Variants in DAB2IP observed in about 807,000 individuals in gnomAD.
The protein encoded by DAB2IP is DAB2 interacting protein.
DAB2IP carries 28 observed loss-of-function variants against 107.2 expected under a neutral mutation model. That is an observed-to-expected ratio of 0.26 (90% CI 0.19 to 0.36). The LOEUF (loss-of-function observed/expected upper bound fraction) is 0.36, where lower values mean the gene tolerates loss of function less well. Among genes scored for constraint, DAB2IP ranks in the 10% least tolerant of loss-of-function variants. The probability of loss-of-function intolerance (pLI) is 1.00; values close to 1 mark genes in which losing one functional copy is unlikely to be tolerated. For missense variants in DAB2IP, 1,400 were observed against 1,644.7 expected (o/e 0.85, Z 2.57); for synonymous variants, 755 against 706.4 (o/e 1.07, Z -1.09).
At chr9:121,719,396 C>T (rs1209583511) in intron 3 of DAB2IP, among the ~76,000 whole-genome samples, 2 of 152,150 alleles carry the variant, frequency 1.3e-5, no homozygotes, top group Non-Finnish European at 2.9e-5. Context: ...ATGGGTTCAT[C>T]ACATAACCAA....
At chr9:121,724,819 C>G (rs943194498) in intron 3 of DAB2IP, among the ~76,000 whole-genome samples, 5 of 152,184 alleles carry the variant, frequency 3.3e-5, no homozygotes, top group African/African-American at 1.2e-4. Flanking sequence ...CCAGTAGACA[C>G]TCCCACCTCC....
At chr9:121,773,286 C>T (rs1331786793) in exon 12 of DAB2IP, 3 of 1,529,064 alleles carry the variant, frequency 2.0e-6, no homozygotes, top group Non-Finnish European at 2.6e-6. Flanking sequence ...GATCGACCAG[C>T]CTCCGCCCCC....
At chr9:121,686,399 T>C (rs1003045297) in intron 2 of DAB2IP, among the ~76,000 whole-genome samples, 5 of 152,180 alleles carry the variant, frequency 3.3e-5, no homozygotes, top group Non-Finnish European at 5.9e-5. Context: ...AGGCCATCCC[T>C]GTAAATTCCA....
chr9:121,735,291 G>A lies in DAB2IP; in HGVS notation c.363-21722G>A, dbSNP rs538308168. Among the ~76,000 whole-genome samples, 97 of 152,282 alleles carry A rather than the reference G, an allele frequency of 6.4e-4. 1 individual carries two copies. The highest frequency in any genetic ancestry group is 1.1e-3 in the Admixed American group (17 of 15,298). On this transcript the variant is annotated intron_variant, in intron 3 of 15. Transcript: ENST00000408936. ...TGTGTGCACGGCAGAGCTGAGCCTG[G>A]AGCCTAGGGCCCAGCAGGGGATGGA...
At chr9:121,613,821 A>C (rs934124404) in intron 1 of DAB2IP, among the ~76,000 whole-genome samples, 1 of 152,216 alleles carries the variant, frequency 6.6e-6, no homozygotes, top group East Asian at 1.9e-4. Flanking sequence ...TGACCTATGC[A>C]CTTGTTGGAG....
chr9:121,626,207 C>T (rs1053958436), intron 1 of DAB2IP, among the ~76,000 whole-genome samples: 2 of 152,006 alleles, frequency 1.3e-5, no homozygotes, highest in East Asian at 1.9e-4. Flanking sequence ...ACTTGGCACA[C>T]GTTTAATGAG....
intron 3 of DAB2IP, among the ~76,000 whole-genome samples, chr9:121,738,269 C>T (rs569780642): frequency 2.0e-4 from 31 of 152,274 alleles, no homozygotes; most frequent in Admixed American, 9.1e-4. Flanking sequence ...GGGAAACTGC[C>T]GGTGCCCCTG....
At chr9:121,611,071 G>A (rs1831076620) in intron 1 of DAB2IP, among the ~76,000 whole-genome samples, 1 of 152,252 alleles carries the variant, frequency 6.6e-6, no homozygotes, top group Admixed American at 6.5e-5. Context: ...TGCTTCCTGG[G>A]TTCAAGCAAT....
At chr9:121,756,436 TCTG>T (rs1833481708) in intron 3 of DAB2IP, among the ~76,000 whole-genome samples, 1 of 152,182 alleles carries the variant, frequency 6.6e-6, no homozygotes, top group African/African-American at 2.4e-5. Context: ...CTGCATCCCT[TCTG>T]CTTCGAGACT....
At chr9:121,710,900 A>G (rs1359128541) in intron 3 of DAB2IP, among the ~76,000 whole-genome samples, 1 of 152,158 alleles carries the variant, frequency 6.6e-6, no homozygotes, top group African/African-American at 2.4e-5. Context: ...TGTGGACTGG[A>G]TGTGACGTAG....
intron 1 of DAB2IP, among the ~76,000 whole-genome samples, chr9:121,603,691 T>C (rs972875373): frequency 5.3e-5 from 8 of 152,142 alleles, no homozygotes; most frequent in Non-Finnish European, 1.0e-4. Flanking sequence ...GGCTGTGTGA[T>C]CTTGGGCAGG....
intron 1 of DAB2IP, among the ~76,000 whole-genome samples, chr9:121,582,987 G>C (rs962890756): frequency 6.6e-6 from 1 of 152,236 alleles, no homozygotes; most frequent in African/African-American, 2.4e-5. Flanking sequence ...CCTTAGGCTT[G>C]GGACAGAAAG....
intron 3 of DAB2IP, among the ~76,000 whole-genome samples, chr9:121,714,190 A>G (rs1036901485): frequency 2.6e-5 from 4 of 152,292 alleles, no homozygotes; most frequent in Middle Eastern, 6.8e-3. Context: ...ACCTCATCAT[A>G]TATATAGCAA....
chr9:121,636,251 TCACCCC>T (rs1832084212), intron 1 of DAB2IP, among the ~76,000 whole-genome samples: 1 of 151,954 alleles, frequency 6.6e-6, no homozygotes, highest in East Asian at 1.9e-4. Context: ...ACTGCAGAGG[TCACCCC>T]CCTACCCCTG....
At chr9:121,667,310 C>T (rs1037090464) in intron 1 of DAB2IP, among the ~76,000 whole-genome samples, 2 of 151,920 alleles carry the variant, frequency 1.3e-5, no homozygotes, top group African/African-American at 2.4e-5. Flanking sequence ...AAATTACAGG[C>T]GTGAGCCACC....
chr9:121,780,926 T>C (rs924000264), intron 14 of DAB2IP, among the ~76,000 whole-genome samples: 2 of 152,336 alleles, frequency 1.3e-5, no homozygotes, highest in African/African-American at 4.8e-5. Flanking sequence ...TCCTGCTCTT[T>C]GTTCCAGGGA....
At chr9:121,590,355 T>C (rs930692673) in intron 1 of DAB2IP, among the ~76,000 whole-genome samples, 41 of 151,628 alleles carry the variant, frequency 2.7e-4, no homozygotes, top group Non-Finnish European at 1.2e-4. Flanking sequence ...CTTCATCCTA[T>C]GATGCTTCAG....
intron 1 of DAB2IP, among the ~76,000 whole-genome samples, chr9:121,669,253 A>C (rs1833578480): frequency 6.6e-6 from 1 of 152,096 alleles, no homozygotes; most frequent in Non-Finnish European, 1.5e-5. Context: ...TTATTTTGAA[A>C]TAATTATAGA....
At chr9:121,766,558 C>T (rs745555595) in exon 9 of DAB2IP, 15 of 1,613,250 alleles carry the variant, frequency 9.3e-6, no homozygotes, top group South Asian at 5.5e-5. Flanking sequence ...CAGTCGCGGC[C>T]GCCCGGACAT....
Sources: allele counts gnomAD v4.1 joint callset (sites outside exome capture counted in the v4.1 genomes callset), GRCh38; gene constraint gnomAD v4.1.1; transcripts MANE v1.5; gene names NCBI Gene and HGNC (gene_info 2026-07-23, HGNC 2026-07-21).